L3MBTL4: variants seen among roughly 807,000 people sequenced by gnomAD.
L3MBTL4 encodes L3MBTL histone methyl-lysine binding protein 4, also known as lethal(3)malignant brain tumor-like protein 4.
L3MBTL4 carries 70 observed loss-of-function variants against 84.5 expected under a neutral mutation model. The observed-to-expected ratio is 0.83, with a 90% CI of 0.68 to 1.01. The LOEUF (loss-of-function observed/expected upper bound fraction) is 1.01, where lower values mean the gene tolerates loss of function less well. Ranked by LOEUF, L3MBTL4 falls within the 50% of genes least tolerant of loss-of-function variation. The pLI is 0.00. For missense variants in L3MBTL4, 715 were observed against 754.8 expected, an observed-to-expected ratio of 0.95 and a Z score of 0.62; for synonymous variants, 274 against 259.8, an observed-to-expected ratio of 1.05 and a Z score of -0.52.
intron 16 of L3MBTL4, among the ~76,000 whole-genome samples, chr18:6,067,586 T>G (rs2057443188): frequency 6.6e-6 from 1 of 152,206 alleles, no homozygotes; most frequent in East Asian, 1.9e-4. Context: ...AAGAAACTTT[T>G]CCACTGTATT....
chr18:6,378,927 G>A (rs183904787), intron 1 of L3MBTL4, among the ~76,000 whole-genome samples: 7 of 152,150 alleles, frequency 4.6e-5, no homozygotes, highest in South Asian at 2.1e-4. Flanking sequence ...CCATTTTCAC[G>A]GTATTGATTC....
At chr18:5,976,087 C>T (rs1307623928) in intron 16 of L3MBTL4, among the ~76,000 whole-genome samples, 1 of 152,126 alleles carries the variant, frequency 6.6e-6, no homozygotes. Context: ...GCCTTGGATG[C>T]CCCACACCTG....
intron 14 of L3MBTL4, among the ~76,000 whole-genome samples, chr18:6,095,435 C>T (rs980784353): frequency 1.3e-5 from 2 of 150,328 alleles, no homozygotes; most frequent in Non-Finnish European, 2.9e-5. Flanking sequence ...ACTGCAAGCT[C>T]CGCCTCCCGG....
intron 4 of L3MBTL4, among the ~76,000 whole-genome samples, chr18:6,279,173 G>T (rs193067516): frequency 3.3e-5 from 5 of 152,146 alleles, no homozygotes; most frequent in Admixed American, 6.6e-5. Flanking sequence ...AAAATGAGAA[G>T]AAAACATAGT....
At chr18:6,169,225 TTGG>T in intron 13 of L3MBTL4, among the ~76,000 whole-genome samples, 1 of 152,308 alleles carries the variant, frequency 6.6e-6, no homozygotes, top group Non-Finnish European at 1.5e-5. Context: ...TTTTACACTG[TTGG>T]TGGGACTGTA....
At chr18:6,106,442 C>T (rs887948240) in intron 14 of L3MBTL4, among the ~76,000 whole-genome samples, 1 of 152,080 alleles carries the variant, frequency 6.6e-6, no homozygotes, top group Non-Finnish European at 1.5e-5. Flanking sequence ...ATTTCATTCC[C>T]GAATGTACTG....
chr18:6,005,270 C>T (rs1598413148), intron 16 of L3MBTL4, among the ~76,000 whole-genome samples: 2 of 151,588 alleles, frequency 1.3e-5, no homozygotes, highest in African/African-American at 2.4e-5. Flanking sequence ...TGCTTGAACC[C>T]GGGAGGCAGA....
intron 16 of L3MBTL4, among the ~76,000 whole-genome samples, chr18:6,042,044 C>T (rs1038350282): frequency 7.9e-5 from 12 of 152,096 alleles, no homozygotes; most frequent in South Asian, 2.1e-4. Context: ...TTCGAACTTC[C>T]GCTTCCTTCA....
chr18:6,154,879 C>T (rs1387169958), intron 13 of L3MBTL4, among the ~76,000 whole-genome samples: 1 of 152,126 alleles, frequency 6.6e-6, no homozygotes, highest in Non-Finnish European at 1.5e-5. Context: ...AGATTCCTCT[C>T]CTTTTCTAAT....
intron 14 of L3MBTL4, among the ~76,000 whole-genome samples, chr18:6,095,459 T>C (rs531572273): frequency 6.7e-6 from 1 of 150,016 alleles, no homozygotes; most frequent in East Asian, 2.0e-4. Context: ...CACGCCATTC[T>C]CCTGCCTCAG....
At chr18:6,132,560 T>C (rs2059906624) in intron 14 of L3MBTL4, among the ~76,000 whole-genome samples, 1 of 152,256 alleles carries the variant, frequency 6.6e-6, no homozygotes, top group Non-Finnish European at 1.5e-5. Flanking sequence ...ACACCTTCAG[T>C]ATTTCATTTT....
intron 16 of L3MBTL4, among the ~76,000 whole-genome samples, chr18:6,022,167 G>A (rs1237522209): frequency 3.9e-5 from 6 of 151,996 alleles, no homozygotes. Context: ...TTTCTTTTTT[G>A]TGGTTAATAG....
intron 18 of L3MBTL4, 44 bp downstream of exon 18, chr18:5,960,050 A>ATACATACG (rs2095255634): frequency 2.5e-6 from 1 of 399,200 alleles, no homozygotes; most frequent in African/African-American, 3.0e-5. Context: ...ACACACATAT[A>ATACATACG]TATATATATA....
intron 16 of L3MBTL4, among the ~76,000 whole-genome samples, chr18:6,040,074 T>C (rs534197895): frequency 1.3e-5 from 2 of 152,294 alleles, no homozygotes; most frequent in African/African-American, 4.8e-5. Flanking sequence ...ACATGAGAAA[T>C]TTCAAAAGGC....
chr18:6,051,635 A>G (rs954462730), intron 16 of L3MBTL4, among the ~76,000 whole-genome samples: 8 of 152,020 alleles, frequency 5.3e-5, no homozygotes, highest in African/African-American at 1.9e-4. Flanking sequence ...TTTCTTCAAA[A>G]TGTCGGCAGT....
chr18:6,347,952 C>T (rs1347207651), intron 1 of L3MBTL4, among the ~76,000 whole-genome samples: 1 of 151,748 alleles, frequency 6.6e-6, no homozygotes, highest in African/African-American at 2.4e-5. Context: ...AGAGAATTTA[C>T]CAAAATTAAT....
chr18:5,964,612 G>A (rs1249111124), intron 17 of L3MBTL4, among the ~76,000 whole-genome samples: 1 of 152,178 alleles, frequency 6.6e-6, no homozygotes, highest in South Asian at 2.1e-4. Flanking sequence ...TGCTTTTAAA[G>A]TGACTGCCAT....
intron 1 of L3MBTL4, among the ~76,000 whole-genome samples, chr18:6,407,219 A>G (rs2055773166): frequency 1.3e-5 from 2 of 152,356 alleles, no homozygotes; most frequent in African/African-American, 2.4e-5. Context: ...TCACCGATTC[A>G]CACAAAACAC....
intron 14 of L3MBTL4, among the ~76,000 whole-genome samples, chr18:6,123,906 T>C (rs574608544): frequency 1.3e-5 from 2 of 152,352 alleles, no homozygotes; most frequent in Admixed American, 1.3e-4. Context: ...ATTCCAGTGA[T>C]GTTTATGTGT....
Sources: gnomAD v4.1 joint callset for allele counts (sites outside exome capture counted in the v4.1 genomes callset) on GRCh38, gnomAD v4.1.1 for gene constraint, MANE v1.5 for transcripts, NCBI Gene and HGNC (gene_info 2026-07-23, HGNC 2026-07-21) for gene names.